TLN1: variants seen among roughly 807,000 people sequenced by gnomAD.
The protein encoded by TLN1 is talin-1.
Under a neutral mutation model 292.3 loss-of-function variants are expected in TLN1, and 56 were observed. The observed-to-expected ratio is 0.19, with a 90% CI of 0.15 to 0.24. The LOEUF is 0.24. TLN1 is among the 10% of genes least tolerant of loss of function. The pLI is 1.00. For synonymous variants in TLN1, 1,119 were observed against 1,253.7 expected, an observed-to-expected ratio of 0.89 and a Z score of 2.27; for missense variants, 2,433 against 3,248.2, an observed-to-expected ratio of 0.75 and a Z score of 6.10.
intron 8 of TLN1, 116 bp from the exon 9 acceptor site, chr9:35,722,339 G>A (rs1825891014): frequency 2.2e-6 from 2 of 898,226 alleles, no homozygotes; most frequent in Non-Finnish European, 1.8e-6. Flanking sequence ...AGGTTGAGGA[G>A]TACAAGATAT....
chr9:35,719,459 C>T lies in TLN1; in HGVS notation c.1687+60G>A. On this transcript the variant is annotated intron_variant, in intron 15 of 56. Coordinates refer to ENST00000314888, the MANE Select transcript of TLN1 (RefSeq NM_006289.4). This position sits in a 1 kb window ranked among gnomAD's most constrained non-coding sequence, Gnocchi z 4.6. Reference sequence around the variant, plus strand: ...ACACATGAAGCCAGTCACATGCATGCCTGTGCACACTTGCACCCCCTCTCC... The same window carrying T: ...ACACATGAAGCCAGTCACATGCATGTCTGTGCACACTTGCACCCCCTCTCC... The T allele has an allele frequency of 8.9e-6, 13 of 1,466,832 alleles. No homozygotes were observed. In the South Asian group the frequency reaches 1.1e-4, roughly 13 times the overall value. The allele number at this position is 1,466,832 out of a possible 1,614,324, so 90.9% of individuals were successfully genotyped here.
chr9:35,718,677 T>A, intron 17 of TLN1, 135 bp downstream of exon 17: 1 of 700,754 alleles, frequency 1.4e-6, no homozygotes, highest in Non-Finnish European at 2.5e-6. Flanking sequence ...AAGTTACTAG[T>A]ATCATCCCCT....
In TLN1 at chr9:35,712,248, G is replaced by T. The variant is rs1587982751; in HGVS notation, c.3562-124C>A. 5 of 1,320,136 alleles carry T rather than the reference G, an allele frequency of 3.8e-6. No homozygotes were observed. In the East Asian group the frequency reaches 1.3e-4, roughly 34 times the overall value. 81.8% of individuals were successfully genotyped at this position (1,320,136 alleles called of 1,614,324 possible). A position where few individuals can be genotyped will look rare whatever the true frequency, so the allele number is the denominator to read the frequency against. On this transcript the variant is annotated intron_variant, in intron 27 of 56. Coordinates refer to ENST00000314888, the MANE Select transcript of TLN1 (RefSeq NM_006289.4). ...AAAGTGAAAAAAGAAAGGGGGCGTT[G>T]TAGGTGAACAGGCTGAGGTTAGGGT...
At position 35,720,845 on chromosome 9, in the gene TLN1, G is replaced by A. The variant is rs879065830; in HGVS notation, c.1173C>T (p.Leu391=). The change falls in exon 11 of 57, where the codon CTC becomes CTT. Residue 391 remains leucine (L), a synonymous_variant. Transcript: ENST00000314888. ...QTTEGEQIAQ[L]IAGYIDIILK... ...GGATGATATCGATGTAGCCGGCAAT[G>A]AGCTGTGCAATCTGCTCCCCTTCAG... is the stretch of plus-strand genomic sequence containing the variant. The A allele has an allele frequency of 5.6e-6, 9 of 1,614,016 alleles. No individual in the cohort carries two copies. Among genetic ancestry groups the A allele is most frequent in the African/African-American group, 1.3e-5 (1 of 74,904 alleles).
Position 35,705,849 on chromosome 9 carries a change from T to C in TLN1, c.5514A>G (p.Leu1838=). Residue 1838 remains leucine (L), a splice_region_variant and synonymous_variant, in exon 42 of 57, where the codon CTA becomes CTG. Transcript: ENST00000314888. The part of the protein sequence containing the change: ...VDSITQAINQ[L]DEGPMGEPEG... The stretch of plus-strand genomic sequence containing the variant: ...CTGGTTCACCCATTGGTCCTTCATC[T>C]AGCTGAGGGGGGAGGATAGGGAAAG... 6.2e-7 allele frequency: 1 copy of C among 1,614,198 alleles called. No individual in the cohort carries two copies. Among genetic ancestry groups the C allele is most frequent in the Middle Eastern group, 1.6e-4 (1 of 6,062 alleles).
rs73645470 is a variant in TLN1 at position 35,718,755 on chromosome 9, C to T, written c.1995+57G>A. 1.8e-3 allele frequency: 2,704 copies of T among 1,482,804 alleles called. 44 individuals are homozygous for T. In the African/African-American group the frequency reaches 0.033, roughly 18 times the overall value. 91.9% of individuals were successfully genotyped at this position (1,482,804 alleles called of 1,614,324 possible). A position where few individuals can be genotyped will look rare whatever the true frequency, so the allele number is the denominator to read the frequency against. On this transcript the variant is annotated intron_variant, in intron 17 of 56. Coordinates refer to ENST00000314888, the MANE Select transcript of TLN1 (RefSeq NM_006289.4). The stretch of plus-strand genomic sequence containing the variant: ...AAGCCAGGACTAGGAACTGGATTCA[C>T]GAGCAGAAGTTACTTCCTAGATTCT...
chr9:35,717,630 C>A lies in TLN1; in HGVS notation c.2152G>T (p.Ala718Ser). ...QCALSTSQLV[A>S]CTKVVAPTIS... ...CCTTTGGGGCTCACCTTAGTACAGG[C>A]CACTAGTTGGGAAGTGGATAGGGCA... is the stretch of plus-strand genomic sequence containing the variant. The change falls in exon 18 of 57, where the codon GCC (alanine) becomes TCC (serine). Residue 718 changes from alanine (A) to serine (S), a missense_variant. This residue lies in a region of TLN1 where 617 missense variants were observed against 770.6 expected (regional missense o/e 0.80). Transcript: ENST00000314888. The surrounding 1 kb of genome is among the most constrained non-coding windows in gnomAD (Gnocchi z 4.7). The A allele has an allele frequency of 3.1e-6, 5 of 1,613,262 alleles. 1 individual carries two copies. The highest frequency in any genetic ancestry group is 3.3e-4 in the Middle Eastern group (2 of 6,058).
At chr9:35,709,277 G>C (rs191210794) in intron 33 of TLN1, among the ~76,000 whole-genome samples, 4 of 152,300 alleles carry the variant, frequency 2.6e-5, no homozygotes, top group Admixed American at 6.5e-5. Flanking sequence ...CCTGGCGACA[G>C]AGCGAGACTC....
At chr9:35,708,531 G>A (rs768304475) in intron 33 of TLN1, 47 bp from the exon 34 acceptor site, 4 of 1,491,272 alleles carry the variant, frequency 2.7e-6, no homozygotes, top group East Asian at 4.9e-5. Context: ...GATTGCAGGT[G>A]GGAAATGAAT....
chr9:35,710,890 T>C lies in TLN1; in HGVS notation c.4114-4A>G. 1 of 1,614,092 alleles carries C rather than the reference T, an allele frequency of 6.2e-7. No individual in the cohort carries two copies. Among genetic ancestry groups the C allele is most frequent in the East Asian group, 2.2e-5 (1 of 44,884 alleles). Reference sequence around the variant, plus strand: ...TCTCCAGGAGTTCCCGGACCGTCTGTGTAGGGGGAGGGCAAAGTGAGATCC... The same window carrying C: ...TCTCCAGGAGTTCCCGGACCGTCTGCGTAGGGGGAGGGCAAAGTGAGATCC... On this transcript the variant is annotated splice_region_variant and splice_polypyrimidine_tract_variant and intron_variant, in intron 31 of 56. Coordinates refer to ENST00000314888, the MANE Select transcript of TLN1 (RefSeq NM_006289.4).
chr9:35,719,123 G>A lies in TLN1; in HGVS notation c.1847C>T (p.Ala616Val), dbSNP rs756483237. The A allele has an allele frequency of 5.0e-6, 8 of 1,613,988 alleles. No homozygotes were observed. Among genetic ancestry groups the A allele is most frequent in the South Asian group, 1.1e-5 (1 of 91,078 alleles). Reference protein sequence around the residue: ...RPLLQAAKGLAGAVSELLRSA... With the variant: ...RPLLQAAKGLVGAVSELLRSA... ...GCGCAGCAGTTCTGACACTGCTCCCGCAAGGCCCTTTGCTGCCTGCAACAG... is the reference window on the plus strand; with the variant it reads ...GCGCAGCAGTTCTGACACTGCTCCCACAAGGCCCTTTGCTGCCTGCAACAG... Residue 616 changes from alanine to valine, a missense_variant, in exon 16 of 57, where the codon GCG (alanine) becomes GTG (valine). Physicochemically the swap from Ala to Val is moderately conservative, Grantham distance 64. Coordinates refer to ENST00000314888, the MANE Select transcript of TLN1 (RefSeq NM_006289.4). The surrounding 1 kb of genome is among the most constrained non-coding windows in gnomAD (Gnocchi z 4.6).
At position 35,707,111 on chromosome 9, in the gene TLN1, G is replaced by C; in HGVS notation, c.4916C>G (p.Thr1639Ser). The change falls in exon 37 of 57, where the codon ACT becomes AGT. Residue 1639 changes from threonine to serine, a missense_variant. By Grantham distance (58) the Thr-to-Ser change is moderately conservative. Coordinates refer to ENST00000314888, the MANE Select transcript of TLN1 (RefSeq NM_006289.4). The surrounding 1 kb of genome is among the most constrained non-coding windows in gnomAD (Gnocchi z 5.6). ...SWSVLAGHSR[T>S]VSDSIKKLIT... ...TAGCTTCTTGATGGAGTCTGAGACA[G>C]TACGGGAGTGGCCGGCCAGCACCGA... 1 of 1,612,786 alleles carries C rather than the reference G, an allele frequency of 6.2e-7. No homozygotes were observed. The highest frequency in any genetic ancestry group is 1.3e-5 in the African/African-American group (1 of 74,966).
chr9:35,709,176 T>G (rs568062346), intron 33 of TLN1, among the ~76,000 whole-genome samples: 3 of 152,310 alleles, frequency 2.0e-5, no homozygotes, highest in African/African-American at 7.2e-5. Flanking sequence ...GCGCCTGTAG[T>G]CCCAGCTACT....
chr9:35,711,951 G>GA, intron 28 of TLN1, 54 bp downstream of exon 28: 2 of 1,603,794 alleles, frequency 1.2e-6, no homozygotes, highest in Non-Finnish European at 1.7e-6. Context: ...GGAGGAAGGA[G>GA]AGGCCTGGCA....
chr9:35,731,370 C>T (rs1425047298), intron 1 of TLN1, among the ~76,000 whole-genome samples: 1 of 152,170 alleles, frequency 6.6e-6, no homozygotes, highest in Non-Finnish European at 1.5e-5. Flanking sequence ...GACTCATATC[C>T]AATCCCTGAT....
intron 1 of TLN1, among the ~76,000 whole-genome samples, chr9:35,729,239 G>A (rs1252075827): frequency 6.6e-6 from 1 of 152,268 alleles, no homozygotes; most frequent in Non-Finnish European, 1.5e-5. Context: ...GTTTCTGACT[G>A]CAAAGCCCAA....
At position 35,707,939 on chromosome 9, in the gene TLN1, T is replaced by C. The variant is rs1563940851; in HGVS notation, c.4471-47A>G. ...CCACGATGAGGGCAGGAAGGAGGTGTACATACCCAAGGAGGAGCCATTTTA... is the reference window on the plus strand; with the variant it reads ...CCACGATGAGGGCAGGAAGGAGGTGCACATACCCAAGGAGGAGCCATTTTA... On this transcript the variant is annotated intron_variant, in intron 34 of 56. Transcript: ENST00000314888. The surrounding 1 kb of genome is among the most constrained non-coding windows in gnomAD (Gnocchi z 5.6). 2 of 1,599,956 alleles carry C rather than the reference T, an allele frequency of 1.3e-6. No individual in the cohort carries two copies. The highest frequency in any genetic ancestry group is 4.5e-5 in the East Asian group (2 of 44,552).
rs778932042 is a variant in TLN1 at position 35,721,747 on chromosome 9, C to G, written c.1005G>C (p.Glu335Asp). ...TCTTCTCATCCACTCGCATCACACA[C>G]TCCTTGGTGATGCCCAGAAGCCTGG... ...LVPRLLGITK[E>D]CVMRVDEKTK... is the part of the protein sequence containing the mutation. Residue 335 changes from glutamate (E) to aspartate (D), a missense_variant, in exon 10 of 57, where the codon GAG (glutamate) becomes GAC (aspartate). By Grantham distance (45) the Glu-to-Asp change is conservative (BLOSUM62 2). This residue lies in a region of TLN1 where 57 missense variants were observed against 136.5 expected (regional missense o/e 0.42). Transcript: ENST00000314888. 4 of 1,613,998 alleles carry G rather than the reference C, an allele frequency of 2.5e-6. No homozygotes were observed. Among genetic ancestry groups the G allele is most frequent in the Non-Finnish European group, 3.4e-6 (4 of 1,179,844 alleles).
In TLN1 at chr9:35,711,041, G is replaced by A; in HGVS notation, c.4061C>T (p.Thr1354Ile). 6.2e-7 allele frequency: 1 copy of A among 1,614,244 alleles called. No individual in the cohort carries two copies. The highest frequency in any genetic ancestry group is 1.1e-5 in the South Asian group (1 of 91,088). Reference sequence around the variant, plus strand: ...CTCCTTCTGGCCGGGTGCCTGCTGGGTGCACATAGTGATGAGCTGATTGAT... The same window carrying A: ...CTCCTTCTGGCCGGGTGCCTGCTGGATGCACATAGTGATGAGCTGATTGAT... ...DSINQLITMC[T>I]QQAPGQKECD... The change falls in exon 31 of 57, where the codon ACC (threonine) becomes ATC (isoleucine). Residue 1354 changes from threonine to isoleucine, a missense_variant. Thr to Ile is a moderately conservative substitution (Grantham distance 89). Transcript: ENST00000314888.
Sources: allele counts gnomAD v4.1 joint callset (sites outside exome capture counted in the v4.1 genomes callset), GRCh38; gene constraint gnomAD v4.1.1; regional missense constraint gnomAD v4.1.1; non-coding constraint Gnocchi (gnomAD v3.1); transcripts MANE v1.5; gene names NCBI Gene and HGNC (gene_info 2026-07-23, HGNC 2026-07-21).